PIP5K1A: variants seen among roughly 807,000 people sequenced by gnomAD.
The protein encoded by PIP5K1A is phosphatidylinositol 4-phosphate 5-kinase type-1 alpha.
A neutral mutation model predicts 72.9 loss-of-function variants in PIP5K1A; 46 were observed. That is an observed-to-expected ratio of 0.63 (90% CI 0.50 to 0.81). The LOEUF is 0.81. PIP5K1A is among the 30% of genes least tolerant of loss of function. PIP5K1A has a pLI of 0.00. For synonymous variants in PIP5K1A, 228 were observed against 255.1 expected (o/e 0.89, Z 1.01); for missense variants, 458 against 706.1 (o/e 0.65, Z 3.98).
chr1:151,198,087 C>G (rs1433175569), upstream of PIP5K1A: 1 of 470,962 alleles, frequency 2.1e-6, no homozygotes, highest in East Asian at 7.0e-5. Flanking sequence ...AAACAAAACA[C>G]AGATCTATTT....
intron 3 of PIP5K1A, 30 bp from the exon 4 acceptor site, chr1:151,227,290 A>G (rs1689296843): frequency 7.2e-7 from 1 of 1,393,936 alleles, no homozygotes; most frequent in Admixed American, 1.7e-5. Flanking sequence ...TTACATGGGA[A>G]TTGTATTATA....
chr1:151,219,851 C>CAT (rs1343615136), intron 1 of PIP5K1A, among the ~76,000 whole-genome samples: 40 of 98,704 alleles, frequency 4.1e-4, no homozygotes, highest in Middle Eastern at 6.4e-3. Flanking sequence ...ATATTCTTTC[C>CAT]TTTTTTTTTT....
At chr1:151,226,071 A>G (rs1570903230) in intron 3 of PIP5K1A, among the ~76,000 whole-genome samples, 1 of 140,932 alleles carries the variant, frequency 7.1e-6, no homozygotes, top group Non-Finnish European at 1.5e-5. Context: ...ATGCCACACC[A>G]CCCAGCTATG....
chr1:151,246,789 C>A, intron 14 of PIP5K1A, 131 bp from the exon 15 acceptor site: 2 of 636,360 alleles, frequency 3.1e-6, no homozygotes, highest in South Asian at 2.1e-5. Flanking sequence ...GCTTCTCAGC[C>A]TCTTCTTTCC....
upstream of PIP5K1A, chr1:151,198,162 TA>T (rs1558223090): frequency 2.2e-6 from 1 of 462,494 alleles, no homozygotes; most frequent in Admixed American, 2.5e-5. Flanking sequence ...ACAAGAGTAG[TA>T]AAACAGGAAA....
chr1:151,219,824 C>G (rs1297322351), intron 1 of PIP5K1A, among the ~76,000 whole-genome samples: 1 of 149,050 alleles, frequency 6.7e-6, no homozygotes, highest in East Asian at 2.0e-4. Context: ...GGGAACATGG[C>G]TAAACCCTGT....
intron 1 of PIP5K1A, among the ~76,000 whole-genome samples, chr1:151,210,196 C>T (rs1426514834): frequency 1.3e-5 from 2 of 151,442 alleles, no homozygotes; most frequent in African/African-American, 4.8e-5. Context: ...CCCGGCCCCC[C>T]CACTTTTTTT....
intron 1 of PIP5K1A, chr1:151,215,903 A>AC (rs1220126703): frequency 3.2e-6 from 3 of 944,954 alleles, no homozygotes; most frequent in Non-Finnish European, 4.5e-6. Flanking sequence ...TATGCTTATC[A>AC]TGCTGTAAGC....
In PIP5K1A at chr1:151,238,851, C is replaced by A. The variant is rs140631686; in HGVS notation, c.1230-279C>A. ...TTGCCCATCTGTTCCTTCAGCTCTC[C>A]TTTTATAATAAATATTCATGTTCCT... is the stretch of plus-strand genomic sequence containing the variant. On this transcript the variant is annotated intron_variant, in intron 10 of 15. Coordinates refer to ENST00000368888, the MANE Select transcript of PIP5K1A (RefSeq NM_001135638.2). Among the ~76,000 whole-genome samples the A allele has an allele frequency of 4.6e-3, 693 of 152,284 alleles. 7 individuals carry two copies. Among genetic ancestry groups the A allele is most frequent in the African/African-American group, 0.016 (658 of 41,550 alleles).
chr1:151,221,660 G>T (rs1688416573), intron 1 of PIP5K1A, among the ~76,000 whole-genome samples: 1 of 152,160 alleles, frequency 6.6e-6, no homozygotes, highest in Admixed American at 6.5e-5. Context: ...TCATGGGTAT[G>T]GATTACAAAA....
At chr1:151,198,121 A>G (rs1463216389), upstream of PIP5K1A, 4 of 470,512 alleles carry the variant, frequency 8.5e-6, no homozygotes, top group East Asian at 2.8e-4. Flanking sequence ...GAGGAAGGTA[A>G]GACATGCACG....
rs185112333 is a variant in PIP5K1A at position 151,211,019 on chromosome 1, A to G, written c.85+11938A>G. 5.3e-5 allele frequency among the ~76,000 whole-genome samples: 8 copies of G among 152,250 alleles called. No homozygotes were observed. In the East Asian group the frequency reaches 5.8e-4, roughly 11 times the overall value. ...ATCTGGCTAGCCTTTAGTGTCCCCA[A>G]ATTATATGTTTATTTCAAACATTAG... is the stretch of plus-strand genomic sequence containing the variant. On this transcript the variant is annotated intron_variant, in intron 1 of 15. Transcript: ENST00000368888.
intron 1 of PIP5K1A, among the ~76,000 whole-genome samples, chr1:151,219,948 C>T (rs189437023): frequency 6.1e-5 from 9 of 147,518 alleles, no homozygotes; most frequent in Non-Finnish European, 1.2e-4. Context: ...ATCTTGGCCT[C>T]CCAAAGTACT....
rs1328196903 is a variant in PIP5K1A, at chr1:151,242,127, G to A, written c.1368G>A (p.Lys456=). 6.2e-7 allele frequency: 1 copy of A among 1,613,964 alleles called. No homozygotes were observed. Among genetic ancestry groups the A allele is most frequent in the East Asian group, 2.2e-5 (1 of 44,888 alleles). The change falls in exon 13 of 16, where the codon AAG becomes AAA. Residue 456 remains lysine (K), a synonymous_variant. Transcript: ENST00000368888. Reference sequence around the variant, plus strand: ...CTCTCTCTTTCCCTTTTGAAGTGAAGCCTTCTCCTTCCAAAAAGTTTCGGT... The same window carrying A: ...CTCTCTCTTTCCCTTTTGAAGTGAAACCTTCTCCTTCCAAAAAGTTTCGGT... The part of the protein sequence containing the change: ...CNTVFKKIPL[K]PSPSKKFRSG...
rs587662047 is a variant in PIP5K1A at position 151,230,581 on chromosome 1, A to G, written c.238-1090A>G. 5.3e-4 allele frequency among the ~76,000 whole-genome samples: 81 copies of G among 152,106 alleles called. 1 individual carries two copies. The highest frequency in any genetic ancestry group is 1.8e-3 in the African/African-American group (73 of 41,510). ...TTTTTTGAGACAGTCTGGCTGTGTT[A>G]CCCAGGCTGGAATGCAGTGGTGTGA... On this transcript the variant is annotated intron_variant, in intron 4 of 15. Coordinates refer to ENST00000368888, the MANE Select transcript of PIP5K1A (RefSeq NM_001135638.2).
In PIP5K1A at chr1:151,249,242, GGCTGCCTGTCTTT is replaced by G. The variant is rs1307826212; in HGVS notation, c.*1384_*1396del. On this transcript the variant is annotated 3_prime_UTR_variant, in exon 16 of 16. Coordinates refer to ENST00000368888, the MANE Select transcript of PIP5K1A (RefSeq NM_001135638.2). ...TATTAGACACCCCCAGCCAGTTTCTGGCTGCCTGTCTTTGCTGCCATGTTTTTTACAAGAAGGA... is the reference window on the plus strand; with the variant it reads ...TATTAGACACCCCCAGCCAGTTTCTGGCTGCCATGTTTTTTACAAGAAGGA... The G allele has an allele frequency of 4.6e-5, 7 of 152,044 alleles. No individual in the cohort carries two copies. Among genetic ancestry groups the G allele is most frequent in the Non-Finnish European group, 7.4e-5 (5 of 68,018 alleles). The allele number at this position is 152,044 out of a possible 1,614,324, so 9.4% of individuals were successfully genotyped here. A position where few individuals can be genotyped will look rare whatever the true frequency, so the allele number is the denominator to read the frequency against.
intron 1 of PIP5K1A, 112 bp downstream of exon 1, chr1:151,199,193 T>G: frequency 6.4e-7 from 1 of 1,572,004 alleles, no homozygotes; most frequent in Non-Finnish European, 8.6e-7. Context: ...TACCGGTAAG[T>G]GGGCGCGAGC....
chr1:151,244,799 G>A (rs1049741397), intron 14 of PIP5K1A, among the ~76,000 whole-genome samples: 4 of 152,206 alleles, frequency 2.6e-5, no homozygotes, highest in African/African-American at 9.6e-5. Flanking sequence ...CACAGATATT[G>A]AGGGATGACT....
In PIP5K1A at chr1:151,216,642, A is replaced by G. The variant is rs116087944; in HGVS notation, c.86-7603A>G. Among the ~76,000 whole-genome samples the G allele has an allele frequency of 8.5e-3, 1,288 of 151,994 alleles. 17 individuals are homozygous for G. Among genetic ancestry groups the G allele is most frequent in the African/African-American group, 0.029 (1,210 of 41,444 alleles). On this transcript the variant is annotated intron_variant, in intron 1 of 15. Coordinates refer to ENST00000368888, the MANE Select transcript of PIP5K1A (RefSeq NM_001135638.2). ...TCTTTTCCTTTTCTCTTTCTGTTGT[A>G]CCTCTCATTTCCCCGACCCTTCCTG...
Sources: gnomAD v4.1 joint callset for allele counts (sites outside exome capture counted in the v4.1 genomes callset) on GRCh38, gnomAD v4.1.1 for gene constraint, MANE v1.5 for transcripts, NCBI Gene and HGNC (gene_info 2026-07-23, HGNC 2026-07-21) for gene names.